The following PAPPA2 variants were observed in gnomAD, a reference collection of about 807,000 sequenced individuals.
PAPPA2 encodes the protein pappalysin-2.
Under a neutral mutation model 176.4 loss-of-function variants are expected in PAPPA2, and 86 were observed. The observed-to-expected ratio is 0.49, with a 90% CI of 0.41 to 0.58. PAPPA2 has a LOEUF of 0.58. PAPPA2 is among the 20% of genes least tolerant of loss of function. The pLI, the probability that PAPPA2 is intolerant of heterozygous loss-of-function variation, is 0.00. For synonymous variants in PAPPA2, 809 were observed against 852.2 expected, an observed-to-expected ratio of 0.95 and a Z score of 0.88; for missense variants, 2,073 against 2,256.9, an observed-to-expected ratio of 0.92 and a Z score of 1.65.
rs1361373313 is a variant in PAPPA2, at chr1:176,791,472, A to T, written c.5010A>T (p.Gly1670=). 1 of 1,613,684 alleles carries T rather than the reference A, an allele frequency of 6.2e-7. No homozygotes were observed. The highest frequency in any genetic ancestry group is 1.3e-5 in the African/African-American group (1 of 74,882). Reference sequence around the variant, plus strand: ...CTGTGGAGTACAAATGTGAACAAGGATATGGGATTGGTAAGGATAGGAGTG... The same window carrying T: ...CTGTGGAGTACAAATGTGAACAAGGTTATGGGATTGGTAAGGATAGGAGTG... ...LNSVEYKCEQ[G]YGIGAVCSPL... The change falls in exon 19 of 23, where the codon GGA becomes GGT. Residue 1670 remains glycine, a synonymous_variant. Transcript: ENST00000367662.
intron 21 of PAPPA2, among the ~76,000 whole-genome samples, chr1:176,801,121 A>ACACC (rs1665668047): frequency 6.6e-6 from 1 of 151,708 alleles, no homozygotes; most frequent in African/African-American, 2.4e-5. Context: ...ACACACACAC[A>ACACC]CACCATTTAA....
In PAPPA2 at chr1:176,646,241, C is replaced by T. The variant is rs147754428; in HGVS notation, c.1992-24729C>T. 2.1e-3 allele frequency among the ~76,000 whole-genome samples: 318 copies of T among 151,430 alleles called. 3 individuals carry two copies. Among genetic ancestry groups the T allele is most frequent in the African/African-American group, 7.4e-3 (305 of 41,402 alleles). The stretch of plus-strand genomic sequence containing the variant: ...ATAGTCTTAGGTCTTAGGTTTAAGT[C>T]TTTCATCCATTTAAAAAATTTTTAT... On this transcript the variant is annotated intron_variant, in intron 3 of 22. Coordinates refer to ENST00000367662, the MANE Select transcript of PAPPA2 (RefSeq NM_020318.3).
At chr1:176,582,865 G>T (rs72716823) in intron 2 of PAPPA2, among the ~76,000 whole-genome samples, 206 of 152,220 alleles carry the variant, frequency 1.4e-3, no homozygotes, top group Non-Finnish European at 2.0e-3. Flanking sequence ...TTTGAATTTT[G>T]TAGTAAAGCA....
At chr1:176,767,139 G>A (rs1034345536) in intron 15 of PAPPA2, among the ~76,000 whole-genome samples, 6 of 151,946 alleles carry the variant, frequency 3.9e-5, no homozygotes, top group African/African-American at 1.5e-4. Flanking sequence ...TCTCAACTCA[G>A]GCAAAGGAAT....
intron 1 of PAPPA2, among the ~76,000 whole-genome samples, chr1:176,529,307 C>A (rs1324228907): frequency 6.6e-6 from 1 of 152,006 alleles, no homozygotes. Flanking sequence ...TCAGAACGAG[C>A]CAGAAACTGA....
At chr1:176,639,920 G>C (rs1314053437) in intron 3 of PAPPA2, among the ~76,000 whole-genome samples, 1 of 150,924 alleles carries the variant, frequency 6.6e-6, no homozygotes, top group Non-Finnish European at 1.5e-5. Context: ...TATTATTTTT[G>C]TTCTCATTTT....
chr1:176,749,281 G>C (rs1433541185), intron 14 of PAPPA2, among the ~76,000 whole-genome samples: 1 of 152,116 alleles, frequency 6.6e-6, no homozygotes, highest in Non-Finnish European at 1.5e-5. Context: ...TATTTTTAAG[G>C]TCTTTATTCT....
At chr1:176,484,539 T>C (rs1652562341) in intron 1 of PAPPA2, among the ~76,000 whole-genome samples, 2 of 152,204 alleles carry the variant, frequency 1.3e-5, no homozygotes, top group South Asian at 4.1e-4. Context: ...GGTTTTATTT[T>C]CAGCCATTTT....
chr1:176,575,284 A>T (rs1429877689), intron 2 of PAPPA2, among the ~76,000 whole-genome samples: 1 of 152,190 alleles, frequency 6.6e-6, no homozygotes, highest in African/African-American at 2.4e-5. Flanking sequence ...CCATGCAGAA[A>T]TGGAAATGGT....
intron 1 of PAPPA2, among the ~76,000 whole-genome samples, chr1:176,537,013 C>T (rs1171110974): frequency 6.6e-6 from 1 of 152,126 alleles, no homozygotes; most frequent in African/African-American, 2.4e-5. Flanking sequence ...TGGTAGAGTT[C>T]TGTGTGAACC....
At chr1:176,795,585 A>G (rs561427904) in intron 20 of PAPPA2, among the ~76,000 whole-genome samples, 1 of 152,346 alleles carries the variant, frequency 6.6e-6, no homozygotes, top group South Asian at 2.1e-4. Context: ...TTTTTAACAT[A>G]TTGTGGCAAT....
intron 1 of PAPPA2, among the ~76,000 whole-genome samples, chr1:176,553,313 GT>G (rs1651075499): frequency 6.7e-6 from 1 of 149,834 alleles, no homozygotes; most frequent in Non-Finnish European, 1.5e-5. Context: ...GTAGCTTTGT[GT>G]TTTTCACACA....
intron 2 of PAPPA2, among the ~76,000 whole-genome samples, chr1:176,585,223 C>T (rs983552832): frequency 1.8e-4 from 27 of 152,018 alleles, no homozygotes; most frequent in African/African-American, 6.5e-4. Flanking sequence ...AACTTTATTT[C>T]TCCTTCATTT....
intron 3 of PAPPA2, among the ~76,000 whole-genome samples, chr1:176,642,519 G>T (rs1657158168): frequency 1.3e-5 from 2 of 151,784 alleles, no homozygotes; most frequent in African/African-American, 4.8e-5. Context: ...GAGATGAGAT[G>T]ACTATAAGAA....
At chr1:176,791,750 C>G (rs1665188067) in intron 19 of PAPPA2, among the ~76,000 whole-genome samples, 1 of 152,218 alleles carries the variant, frequency 6.6e-6, no homozygotes, top group East Asian at 1.9e-4. Context: ...GATGGGGCTT[C>G]ACCAGGTTGG....
At chr1:176,560,483 G>C (rs752394280) in intron 2 of PAPPA2, among the ~76,000 whole-genome samples, 5 of 152,164 alleles carry the variant, frequency 3.3e-5, no homozygotes, top group African/African-American at 1.2e-4. Context: ...TTCCCATAGC[G>C]GAGACAGAAC....
At chr1:176,539,167 G>C (rs141171675) in intron 1 of PAPPA2, among the ~76,000 whole-genome samples, 3 of 152,188 alleles carry the variant, frequency 2.0e-5, no homozygotes, top group Non-Finnish European at 4.4e-5. Flanking sequence ...TTAGGCAGAC[G>C]AGAATCATTC....
chr1:176,746,129 T>C (rs186944708), intron 14 of PAPPA2, among the ~76,000 whole-genome samples: 1 of 152,300 alleles, frequency 6.6e-6, no homozygotes, highest in Admixed American at 6.5e-5. Context: ...GGAAAGCACA[T>C]AGGAATGAAG....
chr1:176,713,641 G>C (rs1661239290), intron 12 of PAPPA2, among the ~76,000 whole-genome samples: 1 of 152,030 alleles, frequency 6.6e-6, no homozygotes, highest in African/African-American at 2.4e-5. Context: ...AATTCTTTAT[G>C]TTTTATTTTG....
Sources: gnomAD v4.1 joint callset for allele counts (sites outside exome capture counted in the v4.1 genomes callset) on GRCh38, gnomAD v4.1.1 for gene constraint, MANE v1.5 for transcripts, NCBI Gene and HGNC (gene_info 2026-07-23, HGNC 2026-07-21) for gene names.